NASP: variants seen among roughly 807,000 people sequenced by gnomAD.
NASP encodes the protein NASP histone chaperone.
NASP carries 24 observed loss-of-function variants against 89.5 expected under a neutral mutation model. That is an observed-to-expected ratio of 0.27 (90% CI 0.19 to 0.38). NASP has a LOEUF of 0.38. NASP is among the 10% of genes least tolerant of loss of function. The probability of loss-of-function intolerance (pLI) is 1.00; values close to 1 mark genes in which losing one functional copy is unlikely to be tolerated. For missense variants in NASP, 848 were observed against 921.4 expected (o/e 0.92, Z 1.03); for synonymous variants, 306 against 324.7 (o/e 0.94, Z 0.62).
In NASP at chr1:45,618,375, C is replaced by G. The variant is rs951075861; in HGVS notation, c.*234C>G. 2.5e-6 allele frequency: 1 copy of G among 404,258 alleles called. No individual in the cohort carries two copies. Among genetic ancestry groups the G allele is most frequent in the African/African-American group, 2.0e-5 (1 of 49,236 alleles). 25.0% of individuals were successfully genotyped at this position (404,258 alleles called of 1,614,324 possible). A position where few individuals can be genotyped will look rare whatever the true frequency, so the allele number is the denominator to read the frequency against. On this transcript the variant is annotated 3_prime_UTR_variant, in exon 15 of 15. Coordinates refer to ENST00000350030, the MANE Select transcript of NASP (RefSeq NM_002482.4). ...CTGATCTGTGTTCCTGATCCTAATT[C>G]CTATCTGTCTAACGTGGAGGTGATC...
rs1364277074 is a variant in NASP at position 45,608,085 on chromosome 1, A to T, written c.1174A>T (p.Ile392Phe). 5.6e-6 allele frequency: 9 copies of T among 1,613,918 alleles called. No homozygotes were observed. The highest frequency in any genetic ancestry group is 7.6e-6 in the Non-Finnish European group (9 of 1,179,920). ...GTCAGTTGTAGGAGATCAGACTCCT[A>T]TTGAACCACAGACTTCTATAGAAAG... The part of the protein sequence containing the change: ...GPSVVGDQTP[I>F]EPQTSIERLT... The change falls in exon 6 of 15, where the codon ATT becomes TTT. Residue 392 changes from isoleucine to phenylalanine, a missense_variant. Physicochemically the swap from Ile to Phe is conservative, Grantham distance 21. Around this residue, in one of 5 missense-constraint regions of NASP, gnomAD observed 464 missense variants for 469.4 expected, o/e 0.99. Transcript: ENST00000350030.
Position 45,584,107 on chromosome 1 carries a change from G to T in NASP, c.-40G>T. Reference sequence around the variant, plus strand: ...TCCCAAATTGCCTGTTTTTCTCGCAGGCTCTATTCCGTTCGCTGGTTCGCC... The same window carrying T: ...TCCCAAATTGCCTGTTTTTCTCGCATGCTCTATTCCGTTCGCTGGTTCGCC... On this transcript the variant is annotated 5_prime_UTR_variant, in exon 1 of 15. In the 5' UTR this introduces an upstream ATG that the reference lacks. Coordinates refer to ENST00000350030, the MANE Select transcript of NASP (RefSeq NM_002482.4). The T allele has an allele frequency of 6.5e-7, 1 of 1,548,744 alleles. No individual in the cohort carries two copies. Among genetic ancestry groups the T allele is most frequent in the African/African-American group, 1.4e-5 (1 of 73,546 alleles).
In NASP at chr1:45,594,174, C is replaced by A. The variant is rs144982754; in HGVS notation, c.107+2904C>A. Reference sequence around the variant, plus strand: ...AACCCCGTCTCTACTAAAAAAGATACAAAAATTAGCCGGTCGTGGTGGCTA... The same window carrying A: ...AACCCCGTCTCTACTAAAAAAGATAAAAAAATTAGCCGGTCGTGGTGGCTA... On this transcript the variant is annotated intron_variant, in intron 2 of 14. Coordinates refer to ENST00000350030, the MANE Select transcript of NASP (RefSeq NM_002482.4). 3.0e-3 allele frequency among the ~76,000 whole-genome samples: 451 copies of A among 151,670 alleles called. 3 individuals are homozygous for A. Among genetic ancestry groups the A allele is most frequent in the East Asian group, 0.021 (109 of 5,134 alleles).
At position 45,602,264 on chromosome 1, in the gene NASP, G is replaced by A; in HGVS notation, c.117G>A (p.Val39=). ...TSADKVESLD[V]DSEAKKLLGL... Reference sequence around the variant, plus strand: ...AATCTTTTTTTTGCAGTCTGGATGTGGATAGTGAAGCTAAGAAACTATTGG... The same window carrying A: ...AATCTTTTTTTTGCAGTCTGGATGTAGATAGTGAAGCTAAGAAACTATTGG... Residue 39 remains valine, a synonymous_variant, in exon 3 of 15, where the codon GTG becomes GTA. Coordinates refer to ENST00000350030, the MANE Select transcript of NASP (RefSeq NM_002482.4). 1 of 1,613,284 alleles carries A rather than the reference G, an allele frequency of 6.2e-7. No homozygotes were observed. Among genetic ancestry groups the A allele is most frequent in the Non-Finnish European group, 8.5e-7 (1 of 1,179,506 alleles).
intron 11 of NASP, 60 bp downstream of exon 11, chr1:45,615,531 T>C (rs1308903712): frequency 1.3e-6 from 2 of 1,508,102 alleles, no homozygotes; most frequent in East Asian, 2.3e-5. Flanking sequence ...TAATGTTCTA[T>C]TTGCCAGGAA....
chr1:45,596,061 C>T (rs1246295719), intron 2 of NASP, among the ~76,000 whole-genome samples: 2 of 152,178 alleles, frequency 1.3e-5, no homozygotes, highest in Admixed American at 6.5e-5. Context: ...AAAATGAATA[C>T]AGTGAGCCTG....
intron 9 of NASP, 151 bp downstream of exon 9, chr1:45,614,517 A>G (rs1644069104): frequency 1.5e-6 from 1 of 666,774 alleles, no homozygotes; most frequent in African/African-American, 1.9e-5. Context: ...TCCAAGTGGC[A>G]CTCAGTCTTC....
chr1:45,592,263 G>A (rs1160795139), intron 2 of NASP, among the ~76,000 whole-genome samples: 7 of 152,212 alleles, frequency 4.6e-5, no homozygotes. Flanking sequence ...GGGATTACAG[G>A]CGTGAGCCAC....
intron 3 of NASP, among the ~76,000 whole-genome samples, chr1:45,602,740 G>GCTC (rs963624261): frequency 1.2e-4 from 19 of 152,154 alleles, no homozygotes; most frequent in Admixed American, 1.1e-3. Context: ...AACCTCCCAG[G>GCTC]CTCCCCAGTA....
At chr1:45,614,456 A>T in intron 9 of NASP, 90 bp downstream of exon 9, 1 of 1,039,912 alleles carries the variant, frequency 9.6e-7, no homozygotes, top group Non-Finnish European at 1.5e-6. Context: ...CTTGATCTTT[A>T]AAAAGATAGG....
intron 2 of NASP, among the ~76,000 whole-genome samples, chr1:45,594,262 G>A (rs185433866): frequency 2.0e-5 from 3 of 151,844 alleles, no homozygotes; most frequent in African/African-American, 7.2e-5. Context: ...CCGGGAGGTG[G>A]AAGTTGCAGT....
At position 45,591,515 on chromosome 1, in the gene NASP, C is replaced by T. The variant is rs1032408918; in HGVS notation, c.107+245C>T. ...ACTATAGGCACATGCCACTACACTT[C>T]GCTCATTTTTAAATTTTTTGGAGAG... On this transcript the variant is annotated intron_variant, in intron 2 of 14. Transcript: ENST00000350030. Among the ~76,000 whole-genome samples, 21 of 151,632 alleles carry T rather than the reference C, an allele frequency of 1.4e-4. No individual in the cohort carries two copies. The East Asian group carries it at 3.7e-3, about 27-fold the overall frequency.
At chr1:45,615,871 GTGTC>G in intron 11 of NASP, among the ~76,000 whole-genome samples, 1 of 152,308 alleles carries the variant, frequency 6.6e-6, no homozygotes, top group East Asian at 1.9e-4. Flanking sequence ...TTTCCTTTGA[GTGTC>G]AGTCAGTCCT....
At chr1:45,616,814 A>G in intron 13 of NASP, 111 bp downstream of exon 13, 1 of 1,026,480 alleles carries the variant, frequency 9.7e-7, no homozygotes, top group Non-Finnish European at 1.5e-6. Context: ...TTATTTTCCA[A>G]AGGTGGTAAG....
chr1:45,596,342 CTA>C (rs1643694329), intron 2 of NASP, among the ~76,000 whole-genome samples: 1 of 152,178 alleles, frequency 6.6e-6, no homozygotes, highest in Admixed American at 6.5e-5. Flanking sequence ...AAATCTGAAA[CTA>C]TTACCCAGTA....
Position 45,607,862 on chromosome 1 carries a change from G to A in NASP, c.951G>A (p.Lys317=). 6.2e-7 allele frequency: 1 copy of A among 1,614,130 alleles called. No individual in the cohort carries two copies. The part of the protein sequence containing the change: ...VDVGGDEPEE[K]VVTSENEAGK... ...TGGGTGGGGACGAGCCAGAGGAGAA[G>A]GTAGTTACCTCTGAAAACGAGGCAG... Residue 317 remains lysine (K), a synonymous_variant, in exon 6 of 15, where the codon AAG becomes AAA. Coordinates refer to ENST00000350030, the MANE Select transcript of NASP (RefSeq NM_002482.4).
intron 3 of NASP, among the ~76,000 whole-genome samples, chr1:45,603,923 T>G (rs1202962668): frequency 6.6e-6 from 1 of 152,202 alleles, no homozygotes; most frequent in Non-Finnish European, 1.5e-5. Flanking sequence ...TTAGGTATTT[T>G]TATTTAAAAA....
chr1:45,616,023 CAT>C (rs1179504127), intron 11 of NASP, among the ~76,000 whole-genome samples: 1 of 152,216 alleles, frequency 6.6e-6, no homozygotes, highest in Non-Finnish European at 1.5e-5. Flanking sequence ...TCCAAGAACT[CAT>C]TTGCATAAAT....
At position 45,608,667 on chromosome 1, in the gene NASP, T is replaced by A. The variant is rs922882027; in HGVS notation, c.1426+330T>A. On this transcript the variant is annotated intron_variant, in intron 6 of 14. Coordinates refer to ENST00000350030, the MANE Select transcript of NASP (RefSeq NM_002482.4). Reference sequence around the variant, plus strand: ...TGGGATGGAAAAGGTAGATGAGGGGTGGGGTAGGTAGGGAAATAGTGGGCT... The same window carrying A: ...TGGGATGGAAAAGGTAGATGAGGGGAGGGGTAGGTAGGGAAATAGTGGGCT... Among the ~76,000 whole-genome samples, 9 of 150,680 alleles carry A rather than the reference T, an allele frequency of 6.0e-5. 1 individual carries two copies. The highest frequency in any genetic ancestry group is 1.3e-4 in the Admixed American group (2 of 15,036).
Sources: allele counts gnomAD v4.1 joint callset (sites outside exome capture counted in the v4.1 genomes callset), GRCh38; gene constraint gnomAD v4.1.1; regional missense constraint gnomAD v4.1.1; transcripts MANE v1.5; gene names NCBI Gene and HGNC (gene_info 2026-07-23, HGNC 2026-07-21).